RORA: variants seen among roughly 807,000 people sequenced by gnomAD.
RORA encodes nuclear receptor ROR-alpha.
Under a neutral mutation model 69.5 loss-of-function variants are expected in RORA, and 7 were observed. The observed-to-expected ratio is 0.10, with a 90% confidence interval of 0.06 to 0.19. The LOEUF is 0.19. Among genes scored for constraint, RORA ranks in the 10% least tolerant of loss-of-function variants. The pLI, the probability that RORA is intolerant of heterozygous loss-of-function variation, is 1.00. For synonymous variants in RORA, 261 were observed against 240.8 expected, an observed-to-expected ratio of 1.08 and a Z score of -0.78; for missense variants, 457 against 663.0, an observed-to-expected ratio of 0.69 and a Z score of 3.41.
chr15:60,883,629 T>A (rs1054232119), intron 1 of RORA, among the ~76,000 whole-genome samples: 1 of 152,240 alleles, frequency 6.6e-6, no homozygotes, highest in Non-Finnish European at 1.5e-5. Context: ...TAAATGAATA[T>A]AGTTATCAGT....
chr15:60,872,088 T>A (rs935619012), intron 1 of RORA, among the ~76,000 whole-genome samples: 1 of 152,112 alleles, frequency 6.6e-6, no homozygotes, highest in Non-Finnish European at 1.5e-5. Context: ...TATGAGGTAA[T>A]CTCTATCATA....
At chr15:60,514,041 T>G (rs1285360445) in intron 4 of RORA, among the ~76,000 whole-genome samples, 1 of 152,248 alleles carries the variant, frequency 6.6e-6, no homozygotes, top group East Asian at 1.9e-4. Flanking sequence ...ACTTGAATGG[T>G]AGACGGTCTC....
At chr15:61,072,094 C>T (rs1251009718) in intron 1 of RORA, among the ~76,000 whole-genome samples, 1 of 152,040 alleles carries the variant, frequency 6.6e-6, no homozygotes, top group Non-Finnish European at 1.5e-5. Context: ...CCAATTGCTC[C>T]CAATAGAACT....
intron 1 of RORA, among the ~76,000 whole-genome samples, chr15:60,703,217 A>T (rs2071010690): frequency 6.6e-6 from 1 of 152,140 alleles, no homozygotes; most frequent in Non-Finnish European, 1.5e-5. Flanking sequence ...TTGACAAGAT[A>T]AATCTAAGCT....
intron 1 of RORA, among the ~76,000 whole-genome samples, chr15:61,141,675 C>G (rs2079300087): frequency 1.3e-5 from 2 of 152,174 alleles, no homozygotes; most frequent in Non-Finnish European, 1.5e-5. Context: ...TGACCCTACC[C>G]AGAACAGCCA....
intron 1 of RORA, among the ~76,000 whole-genome samples, chr15:60,974,507 G>A (rs965938920): frequency 2.0e-5 from 3 of 152,154 alleles, no homozygotes; most frequent in Admixed American, 2.0e-4. Context: ...TCCCTGGGGT[G>A]ATAATGGAAG....
chr15:60,908,526 T>C (rs1447234155), intron 1 of RORA, among the ~76,000 whole-genome samples: 1 of 152,172 alleles, frequency 6.6e-6, no homozygotes, highest in Admixed American at 6.5e-5. Context: ...TTAGTGCTAC[T>C]AAAAATAAGC....
chr15:61,168,214 G>A lies in RORA; in HGVS notation c.166+60839C>T, dbSNP rs569274456. 1.3e-4 allele frequency among the ~76,000 whole-genome samples: 18 copies of A among 143,614 alleles called. 1 individual carries two copies. The South Asian group carries it at 3.0e-3, about 24-fold the overall frequency. 94.2% of individuals were successfully genotyped at this position (143,614 alleles called of 152,430 possible). On this transcript the variant is annotated intron_variant, in intron 1 of 10. Transcript: ENST00000335670. ...CACATATATACACGCGCGTGCGTGC[G>A]TGCGTGTGTGTGTGTGTGTGTGTAT...
intron 1 of RORA, among the ~76,000 whole-genome samples, chr15:60,908,402 A>AT (rs1201335505): frequency 6.6e-6 from 1 of 152,156 alleles, no homozygotes; most frequent in Non-Finnish European, 1.5e-5. Context: ...AAAATGCCCT[A>AT]TTTTCCCCCC....
intron 1 of RORA, among the ~76,000 whole-genome samples, chr15:61,228,273 G>C (rs2080166531): frequency 6.6e-6 from 1 of 152,144 alleles, no homozygotes; most frequent in African/African-American, 2.4e-5. Flanking sequence ...GCCGCCCTCT[G>C]CGCGTTGGCG....
rs139071877 is a variant in RORA at position 60,489,647 on chromosome 15, A to C, written c.*7808T>G. ...CATGGAACTGGTTGAGGTCATACTG[A>C]AACAGAACATCCCATGTCGAATTTG... On this transcript the variant is annotated 3_prime_UTR_variant, in exon 11 of 11. Coordinates refer to ENST00000335670, the MANE Select transcript of RORA (RefSeq NM_134261.3). The C allele has an allele frequency of 4.6e-5, 7 of 152,336 alleles. No homozygotes were observed. The East Asian group carries it at 1.3e-3, about 29-fold the overall frequency. The allele number at this position is 152,336 out of a possible 1,614,324, so 9.4% of individuals were successfully genotyped here.
chr15:60,683,450 A>T (rs1482169541), intron 1 of RORA, among the ~76,000 whole-genome samples: 1 of 152,184 alleles, frequency 6.6e-6, no homozygotes. Context: ...AATGTGGCTC[A>T]TAATCAAAGG....
At chr15:60,806,552 T>C (rs572065573) in intron 1 of RORA, among the ~76,000 whole-genome samples, 1 of 152,302 alleles carries the variant, frequency 6.6e-6, no homozygotes, top group African/African-American at 2.4e-5. Context: ...ATGAGAAAAA[T>C]GGCAATGCCT....
At chr15:60,997,583 T>A (rs536958356) in intron 1 of RORA, among the ~76,000 whole-genome samples, 2 of 152,296 alleles carry the variant, frequency 1.3e-5, no homozygotes, top group East Asian at 1.9e-4. Context: ...TAGTGTGTTT[T>A]AAAAAATTAA....
At chr15:60,788,812 C>T (rs1007554502) in intron 1 of RORA, among the ~76,000 whole-genome samples, 1 of 152,212 alleles carries the variant, frequency 6.6e-6, no homozygotes, top group African/African-American at 2.4e-5. Context: ...ATGAGAAAGC[C>T]CCTGTCCCGC....
At chr15:61,180,090 G>A (rs149050388) in intron 1 of RORA, among the ~76,000 whole-genome samples, 2 of 135,556 alleles carry the variant, frequency 1.5e-5, no homozygotes, top group African/African-American at 5.6e-5. Flanking sequence ...GCTGCAGTGA[G>A]CCAAGATCAT....
chr15:60,903,941 G>C (rs1369085788), intron 1 of RORA, among the ~76,000 whole-genome samples: 1 of 152,152 alleles, frequency 6.6e-6, no homozygotes, highest in Non-Finnish European at 1.5e-5. Context: ...GACGTATAAA[G>C]TATCTTGTTT....
chr15:60,940,707 C>A (rs1483539182), intron 1 of RORA, among the ~76,000 whole-genome samples: 1 of 152,186 alleles, frequency 6.6e-6, no homozygotes, highest in Non-Finnish European at 1.5e-5. Context: ...GCAGGTGGAT[C>A]ACGAGGTCAG....
At chr15:61,006,613 C>G (rs1482381818) in intron 1 of RORA, among the ~76,000 whole-genome samples, 2 of 152,284 alleles carry the variant, frequency 1.3e-5, no homozygotes, top group Non-Finnish European at 2.9e-5. Flanking sequence ...TGCTGTTGCT[C>G]CTTCCTCTGC....
Sources: gnomAD v4.1 joint callset for allele counts (sites outside exome capture counted in the v4.1 genomes callset) on GRCh38, gnomAD v4.1.1 for gene constraint, MANE v1.5 for transcripts, NCBI Gene and HGNC (gene_info 2026-07-23, HGNC 2026-07-21) for gene names.